DLG2: variants seen among roughly 807,000 people sequenced by gnomAD.
DLG2 encodes the protein disks large homolog 2.
Under a neutral mutation model 132.5 loss-of-function variants are expected in DLG2, and 45 were observed. That is an observed-to-expected ratio of 0.34 (90% CI 0.27 to 0.44). DLG2 has a LOEUF of 0.44. Among genes scored for constraint, DLG2 ranks in the 20% least tolerant of loss-of-function variants. DLG2 has a pLI of 1.00. For synonymous variants in DLG2, 424 were observed against 419.6 expected (o/e 1.01, Z -0.13); for missense variants, 1,045 against 1,196.9 (o/e 0.87, Z 1.87).
At chr11:85,382,039 A>C (rs938919433) in intron 3 of DLG2, among the ~76,000 whole-genome samples, 1 of 152,176 alleles carries the variant, frequency 6.6e-6, no homozygotes, top group Admixed American at 6.5e-5. Context: ...CCTAAAATTC[A>C]TACGGAAATG....
Position 85,354,550 on chromosome 11 carries a change from A to G in DLG2, c.41-69185T>C, listed in dbSNP as rs971777477. Among the ~76,000 whole-genome samples the G allele has an allele frequency of 5.1e-4, 75 of 147,828 alleles. 1 individual carries two copies. Among genetic ancestry groups the G allele is most frequent in the African/African-American group, 1.7e-3 (67 of 40,406 alleles). ...TCTTATCTCATGAAGGAGCCAATAC[A>G]TTTTTTTTTTCATGATAGCAAATGT... On this transcript the variant is annotated intron_variant, in intron 3 of 27. Transcript: ENST00000376104.
At chr11:84,818,068 C>T (rs1284824099) in intron 6 of DLG2, among the ~76,000 whole-genome samples, 2 of 151,992 alleles carry the variant, frequency 1.3e-5, no homozygotes, top group African/African-American at 4.8e-5. Flanking sequence ...ACAATCTTAA[C>T]TGATGCCTCA....
chr11:84,798,807 C>T (rs892877879), intron 6 of DLG2, among the ~76,000 whole-genome samples: 1 of 152,182 alleles, frequency 6.6e-6, no homozygotes, highest in African/African-American at 2.4e-5. Context: ...GCCAGGACTA[C>T]ATCCTTCCCT....
intron 21 of DLG2, among the ~76,000 whole-genome samples, chr11:83,515,540 C>G (rs181144499): frequency 3.3e-5 from 5 of 152,100 alleles, no homozygotes; most frequent in African/African-American, 7.2e-5. Context: ...CTGCTCTGAT[C>G]TTAGTTATTT....
chr11:84,134,555 C>A (rs2094532322), intron 9 of DLG2, among the ~76,000 whole-genome samples: 1 of 152,020 alleles, frequency 6.6e-6, no homozygotes, highest in Non-Finnish European at 1.5e-5. Flanking sequence ...GTCTTCTAAC[C>A]TGGTTAATTC....
intron 17 of DLG2, among the ~76,000 whole-genome samples, chr11:83,795,455 ATATC>A (rs994290929): frequency 6.6e-5 from 10 of 151,626 alleles, no homozygotes; most frequent in Non-Finnish European, 1.3e-4. Context: ...ATCTATATCT[ATATC>A]TATCTATTTG....
Position 84,132,501 on chromosome 11 carries a change from G to C in DLG2, c.624+30960C>G, listed in dbSNP as rs1019969355. 2.0e-5 allele frequency among the ~76,000 whole-genome samples: 3 copies of C among 151,952 alleles called. No individual in the cohort carries two copies. The East Asian group carries it at 5.8e-4, about 29-fold the overall frequency. ...TTAAAGAAATGAGCACAAAGATAAC[G>C]ATACATAAGAAAAACTGAAAAAACT... On this transcript the variant is annotated intron_variant, in intron 9 of 27. Transcript: ENST00000376104.
chr11:84,488,490 T>C (rs2099156491), intron 7 of DLG2, among the ~76,000 whole-genome samples: 1 of 152,258 alleles, frequency 6.6e-6, no homozygotes, highest in Admixed American at 6.5e-5. Flanking sequence ...TTCCAAGCTG[T>C]GACTCATCCA....
intron 7 of DLG2, among the ~76,000 whole-genome samples, chr11:84,345,288 G>C (rs533819236): frequency 2.6e-5 from 4 of 152,092 alleles, no homozygotes; most frequent in African/African-American, 7.2e-5. Flanking sequence ...TTTTGAAACC[G>C]GTATATTTGC....
intron 18 of DLG2, among the ~76,000 whole-genome samples, chr11:83,689,906 ATGTAAATAT>A (rs1247102972): frequency 6.9e-6 from 1 of 145,220 alleles, no homozygotes. Context: ...AAATATATTT[ATGTAAATAT>A]TATATATTTA....
At chr11:85,537,453 T>A (rs1426623830) in intron 3 of DLG2, among the ~76,000 whole-genome samples, 2 of 152,304 alleles carry the variant, frequency 1.3e-5, no homozygotes, top group East Asian at 3.9e-4. Context: ...GGTTCACTCC[T>A]GAAGCCAGTG....
chr11:83,996,879 A>C (rs1360485662), intron 11 of DLG2, among the ~76,000 whole-genome samples: 1 of 152,146 alleles, frequency 6.6e-6, no homozygotes, highest in Non-Finnish European at 1.5e-5. Context: ...TGTACAAATA[A>C]ATAGAAAGAA....
chr11:83,484,143 G>A lies in DLG2; in HGVS notation c.2279C>T (p.Thr760Ile), dbSNP rs1447303728. 4 of 1,612,928 alleles carry A rather than the reference G, an allele frequency of 2.5e-6. No homozygotes were observed. Among genetic ancestry groups the A allele is most frequent in the Admixed American group, 1.7e-5 (1 of 59,938 alleles). The change falls in exon 22 of 28, where the codon ACC (threonine) becomes ATC (isoleucine). Residue 760 changes from threonine to isoleucine, a missense_variant. Physicochemically the swap from Thr to Ile is moderately conservative, Grantham distance 89. Around this residue, in one of 4 missense-constraint regions of DLG2, gnomAD observed 398 missense variants for 543.6 expected, o/e 0.73. Transcript: ENST00000376104. ...YKNKEQSEQE[T>I]SDPERGQEDL... ...AATCTACTTACGTTCAGGATCACTG[G>A]TTTCCTGCTCACTCTGCTCCTTGTT...
chr11:84,179,269 AT>A (rs1353616379), intron 8 of DLG2, among the ~76,000 whole-genome samples: 15 of 152,188 alleles, frequency 9.9e-5, no homozygotes, highest in Admixed American at 3.9e-4. Context: ...AGAAGTTGCC[AT>A]TCTGTTCTAA....
At chr11:85,094,998 ATTG>A (rs2069482260) in intron 6 of DLG2, among the ~76,000 whole-genome samples, 1 of 152,196 alleles carries the variant, frequency 6.6e-6, no homozygotes, top group African/African-American at 2.4e-5. Context: ...TAATTTCAAT[ATTG>A]TTGTGTCTCA....
intron 7 of DLG2, among the ~76,000 whole-genome samples, chr11:84,395,691 T>C (rs2098808567): frequency 6.6e-6 from 1 of 152,248 alleles, no homozygotes; most frequent in South Asian, 2.1e-4. Flanking sequence ...TTTGAAGGAA[T>C]TAATTTTTTA....
intron 10 of DLG2, among the ~76,000 whole-genome samples, chr11:84,068,415 TC>T (rs1453088822): frequency 1.3e-5 from 2 of 152,248 alleles, no homozygotes; most frequent in Non-Finnish European, 2.9e-5. Context: ...CTTAGCTCAT[TC>T]CTTTTTCCCT....
chr11:85,518,278 G>C (rs865999367), intron 3 of DLG2, among the ~76,000 whole-genome samples: 1 of 152,298 alleles, frequency 6.6e-6, no homozygotes, highest in East Asian at 1.9e-4. Flanking sequence ...GAGACTTCTT[G>C]AATGACTTTA....
At chr11:84,770,617 G>A (rs374187690) in intron 6 of DLG2, among the ~76,000 whole-genome samples, 5 of 150,800 alleles carry the variant, frequency 3.3e-5, no homozygotes, top group Admixed American at 2.0e-4. Context: ...CTGCATCCAC[G>A]TTGCTGTAAA....
Sources: gnomAD v4.1 joint callset for allele counts (sites outside exome capture counted in the v4.1 genomes callset) on GRCh38, gnomAD v4.1.1 for gene constraint, gnomAD v4.1.1 regional missense constraint, MANE v1.5 for transcripts, NCBI Gene and HGNC (gene_info 2026-07-23, HGNC 2026-07-21) for gene names.